The following CPB1 variants were observed in gnomAD, a reference collection of about 807,000 sequenced individuals.
CPB1 encodes the protein carboxypeptidase B1.
In CPB1, 53 loss-of-function variants were observed where a neutral mutation model predicts 51.4. That is an observed-to-expected ratio of 1.03 (90% CI 0.83 to 1.30). The LOEUF is 1.30. Ranked by LOEUF, CPB1 falls within the 50% of genes most tolerant of loss-of-function variation. The probability of loss-of-function intolerance (pLI) is 0.00; values close to 1 mark genes in which losing one functional copy is unlikely to be tolerated. For synonymous variants in CPB1, 189 were observed against 186.9 expected, an observed-to-expected ratio of 1.01 and a Z score of -0.09; for missense variants, 494 against 516.2, an observed-to-expected ratio of 0.96 and a Z score of 0.42.
chr3:148,835,041 A>G (rs1206288399), intron 3 of CPB1, among the ~76,000 whole-genome samples: 1 of 152,116 alleles, frequency 6.6e-6, no homozygotes, highest in Non-Finnish European at 1.5e-5. Flanking sequence ...TAGCAGAAGG[A>G]TAAGTCTAGA....
At position 148,828,023 on chromosome 3, in the gene CPB1, C is replaced by A; in HGVS notation, c.93C>A (p.Asn31Lys). The change falls in exon 2 of 11, where the codon AAC becomes AAA. Residue 31 changes from asparagine (N) to lysine (K), a missense_variant. Coordinates refer to ENST00000282957, the MANE Select transcript of CPB1 (RefSeq NM_001871.3). ...TCAGCGAGAAGGTGTTCCGTGTTAA[C>A]GTTGAAGATGAAAATCACATTAACA... is the stretch of plus-strand genomic sequence containing the variant. ...HFEGEKVFRV[N>K]VEDENHINII... 6.2e-7 allele frequency: 1 copy of A among 1,614,056 alleles called. No individual in the cohort carries two copies. Among genetic ancestry groups the A allele is most frequent in the African/African-American group, 1.3e-5 (1 of 75,052 alleles).
At chr3:148,838,562 T>A (rs553646893) in intron 3 of CPB1, 1 of 152,344 alleles carries the variant, frequency 6.6e-6, no homozygotes, top group Non-Finnish European at 1.5e-5. Context: ...TTTTTTGTTA[T>A]CCTTGAATAT....
chr3:148,842,455 T>C (rs1713114113), intron 6 of CPB1, among the ~76,000 whole-genome samples: 1 of 152,190 alleles, frequency 6.6e-6, no homozygotes, highest in Non-Finnish European at 1.5e-5. Flanking sequence ...CTTATCATTC[T>C]AATAATAAGA....
intron 2 of CPB1, among the ~76,000 whole-genome samples, chr3:148,831,553 G>A (rs929152725): frequency 6.6e-6 from 1 of 152,054 alleles, no homozygotes; most frequent in Non-Finnish European, 1.5e-5. Flanking sequence ...ATTTCAGGTT[G>A]GCATGCTACT....
At chr3:148,830,278 A>G (rs1212165050) in intron 2 of CPB1, among the ~76,000 whole-genome samples, 1 of 152,176 alleles carries the variant, frequency 6.6e-6, no homozygotes, top group Non-Finnish European at 1.5e-5. Flanking sequence ...AAGATTGCTG[A>G]GAAAGTTCTG....
chr3:148,830,644 G>A (rs545534693), intron 2 of CPB1, among the ~76,000 whole-genome samples: 63 of 151,902 alleles, frequency 4.1e-4, no homozygotes, highest in African/African-American at 1.4e-3. Context: ...ATCTACCTTG[G>A]GCCTCAATGT....
At position 148,832,806 on chromosome 3, in the gene CPB1, G is replaced by A. The variant is rs116521567; in HGVS notation, c.148-1692G>A. Among the ~76,000 whole-genome samples, 410 of 152,252 alleles carry A rather than the reference G, an allele frequency of 2.7e-3. 3 individuals carry two copies. Among genetic ancestry groups the A allele is most frequent in the Non-Finnish European group, 3.9e-3 (267 of 68,012 alleles). On this transcript the variant is annotated intron_variant, in intron 2 of 10. Coordinates refer to ENST00000282957, the MANE Select transcript of CPB1 (RefSeq NM_001871.3). ...GGAAAGAGCCCTCAGGTACAGAGAG[G>A]CAGATCTTAGCAAGGGGAGTACACT... is the stretch of plus-strand genomic sequence containing the variant.
intron 6 of CPB1, 43 bp from the exon 7 acceptor site, chr3:148,844,435 A>G (rs1182668811): frequency 1.4e-6 from 2 of 1,459,254 alleles, no homozygotes; most frequent in South Asian, 2.3e-5. Flanking sequence ...CAGCATCATA[A>G]TTCCATTTTT....
chr3:148,845,173 T>C (rs971226764), intron 8 of CPB1, among the ~76,000 whole-genome samples: 2 of 152,186 alleles, frequency 1.3e-5, no homozygotes, highest in African/African-American at 2.4e-5. Context: ...TTGATATCAT[T>C]GTGTAATACT....
intron 2 of CPB1, 50 bp downstream of exon 2, chr3:148,828,127 G>T (rs558680950): frequency 1.2e-5 from 17 of 1,371,690 alleles, no homozygotes; most frequent in Non-Finnish European, 1.6e-5. Context: ...ATCTTAGATC[G>T]CACTGTGATT....
intron 5 of CPB1, 22 bp downstream of exon 5, chr3:148,840,997 C>T (rs1346666962): frequency 1.3e-6 from 2 of 1,585,594 alleles, no homozygotes; most frequent in South Asian, 2.2e-5. Context: ...TAACCATGAC[C>T]TTGCCATGTC....
At chr3:148,829,720 A>G (rs1297846187) in intron 2 of CPB1, among the ~76,000 whole-genome samples, 1 of 152,188 alleles carries the variant, frequency 6.6e-6, no homozygotes, top group Non-Finnish European at 1.5e-5. Flanking sequence ...TGTCACTGAT[A>G]AAAGAAAACA....
intron 2 of CPB1, among the ~76,000 whole-genome samples, chr3:148,830,757 A>G (rs904155402): frequency 5.3e-5 from 8 of 152,238 alleles, no homozygotes; most frequent in African/African-American, 1.9e-4. Flanking sequence ...ATAAACAAGG[A>G]ATAGTGTAAC....
At chr3:148,846,738 TATATATATATATATATAC>T (rs1713251613) in intron 9 of CPB1, among the ~76,000 whole-genome samples, 1 of 290 alleles carries the variant, frequency 3.4e-3, no homozygotes, top group South Asian at 0.031. Flanking sequence ...TGGCCAAAAA[TATATATATATATATATAC>T]ATATATATAT....
intron 1 of CPB1, 44 bp downstream of exon 1, chr3:148,827,938 GC>G (rs1712619460): frequency 6.2e-7 from 1 of 1,611,756 alleles, no homozygotes; most frequent in East Asian, 2.2e-5. Context: ...TTCCTTGCTA[GC>G]CCCCAAATTT....
intron 9 of CPB1, 87 bp downstream of exon 9, chr3:148,845,713 T>C: frequency 9.7e-7 from 1 of 1,033,248 alleles, no homozygotes; most frequent in Non-Finnish European, 1.4e-6. Context: ...TAAGAACACT[T>C]TCTGGAAGTC....
chr3:148,849,969 G>C (rs1713376576), intron 9 of CPB1, among the ~76,000 whole-genome samples: 1 of 151,876 alleles, frequency 6.6e-6, no homozygotes, highest in Non-Finnish European at 1.5e-5. Flanking sequence ...TAACTGCTTT[G>C]CAGAATAACA....
At position 148,859,988 on chromosome 3, in the gene CPB1, G is replaced by C; in HGVS notation, c.1240G>C (p.Glu414Gln). ...CAAGTATGTTGCCAGCTACGTCCTG[G>C]AACACCTGTACTAGTTGAGAAAGCT... The part of the protein sequence containing the change: ...AIKYVASYVL[E>Q]HLY Residue 414 changes from glutamate (E) to glutamine (Q), a missense_variant, in exon 11 of 11, where the codon GAA (glutamate) becomes CAA (glutamine). Glu to Gln is a conservative substitution (Grantham distance 29, BLOSUM62 2). Transcript: ENST00000282957. 6.2e-7 allele frequency: 1 copy of C among 1,614,004 alleles called. No individual in the cohort carries two copies. The highest frequency in any genetic ancestry group is 1.1e-5 in the South Asian group (1 of 91,062).
At chr3:148,843,604 G>T (rs1477104278) in intron 6 of CPB1, among the ~76,000 whole-genome samples, 2 of 151,852 alleles carry the variant, frequency 1.3e-5, no homozygotes, top group Non-Finnish European at 1.5e-5. Flanking sequence ...AACCCAAAAA[G>T]CACATGCTTT....
Sources: gnomAD v4.1 joint callset for allele counts (sites outside exome capture counted in the v4.1 genomes callset) on GRCh38, gnomAD v4.1.1 for gene constraint, MANE v1.5 for transcripts, NCBI Gene and HGNC (gene_info 2026-07-23, HGNC 2026-07-21) for gene names.